Variants in C1orf21 observed in about 807,000 individuals in gnomAD.
C1orf21 encodes chromosome 1 open reading frame 21, also known as uncharacterized protein C1orf21.
Under a neutral mutation model 18.7 loss-of-function variants are expected in C1orf21, and 3 were observed. The ratio of observed to expected loss-of-function variants is 0.16; its 90% CI spans 0.07 to 0.42. C1orf21 has a LOEUF of 0.42. Among genes scored for constraint, C1orf21 ranks in the 10% least tolerant of loss-of-function variants. The pLI is 0.99. For missense variants in C1orf21, 104 were observed against 143.6 expected (o/e 0.72, Z 1.41); for synonymous variants, 41 against 46.4 (o/e 0.88, Z 0.47).
intron 1 of C1orf21, among the ~76,000 whole-genome samples, chr1:184,453,475 T>C (rs1657153102): frequency 6.6e-6 from 1 of 152,222 alleles, no homozygotes; most frequent in Admixed American, 6.5e-5. Context: ...AGGAAACGAA[T>C]GTTTCATTTT....
intron 2 of C1orf21, among the ~76,000 whole-genome samples, chr1:184,505,306 A>AATATATATATATATAT (rs59445875): frequency 5.2e-4 from 35 of 66,722 alleles, no homozygotes; most frequent in East Asian, 9.1e-4. Context: ...TACATAAAGA[A>AATATATATATATATAT]ATATATATAT....
intron 5 of C1orf21, among the ~76,000 whole-genome samples, chr1:184,607,869 A>G (rs1221829441): frequency 6.6e-6 from 1 of 152,094 alleles, no homozygotes; most frequent in Non-Finnish European, 1.5e-5. Flanking sequence ...TTAAAAACAC[A>G]CAAATACATT....
chr1:184,418,168 G>A (rs899243398), intron 1 of C1orf21, among the ~76,000 whole-genome samples: 7 of 151,694 alleles, frequency 4.6e-5, no homozygotes, highest in Non-Finnish European at 8.8e-5. Context: ...TAAAACTTTG[G>A]TCCACCACTG....
rs115049005 is a variant in C1orf21 at position 184,605,479 on chromosome 1, A to C, written c.327+7018A>C. Among the ~76,000 whole-genome samples, 1,381 of 152,316 alleles carry C rather than the reference A, an allele frequency of 9.1e-3. 14 individuals carry two copies. The highest frequency in any genetic ancestry group is 0.031 in the African/African-American group (1,276 of 41,572). ...GTGCAGATAAGAACACTGGGCTTCA[A>C]ATGGAGACAGAAGCATACAAAGGCA... On this transcript the variant is annotated intron_variant, in intron 5 of 5. Transcript: ENST00000235307.
chr1:184,510,898 C>T (rs1274060369), intron 3 of C1orf21, among the ~76,000 whole-genome samples: 1 of 152,076 alleles, frequency 6.6e-6, no homozygotes, highest in East Asian at 1.9e-4. Flanking sequence ...ATAATTTTTT[C>T]AAGAGGTAGT....
intron 1 of C1orf21, among the ~76,000 whole-genome samples, chr1:184,394,261 T>C: frequency 6.6e-6 from 1 of 152,224 alleles, no homozygotes; most frequent in Non-Finnish European, 1.5e-5. Flanking sequence ...TTCCTTTTCT[T>C]GGATGGATCT....
intron 1 of C1orf21, among the ~76,000 whole-genome samples, chr1:184,404,999 C>A (rs184865153): frequency 5.3e-5 from 8 of 152,120 alleles, no homozygotes; most frequent in African/African-American, 1.9e-4. Context: ...TGTGCAAAAC[C>A]CTTGCATCCC....
intron 3 of C1orf21, among the ~76,000 whole-genome samples, chr1:184,589,208 T>C (rs1659401710): frequency 6.6e-6 from 1 of 152,244 alleles, no homozygotes; most frequent in Non-Finnish European, 1.5e-5. Flanking sequence ...AAGGTCTTGT[T>C]CATTTTCAGT....
At chr1:184,457,031 GT>G (rs568023524) in intron 1 of C1orf21, among the ~76,000 whole-genome samples, 58 of 152,270 alleles carry the variant, frequency 3.8e-4, no homozygotes, top group African/African-American at 1.4e-3. Context: ...GAAGGTGATG[GT>G]GATCACTTGG....
chr1:184,610,258 G>C (rs945395871), intron 5 of C1orf21, among the ~76,000 whole-genome samples: 1 of 152,204 alleles, frequency 6.6e-6, no homozygotes, highest in African/African-American at 2.4e-5. Context: ...TTGGAACTCA[G>C]CCATACTCAT....
chr1:184,418,107 T>G lies in C1orf21; in HGVS notation c.-125+30739T>G, dbSNP rs538131870. On this transcript the variant is annotated intron_variant, in intron 1 of 5. Coordinates refer to ENST00000235307, the MANE Select transcript of C1orf21 (RefSeq NM_030806.4). ...CCTTTCCTGAAGAGAAGCTGACCCTTCTGGAAACTTTTGCTCATAGATCCT... is the reference window on the plus strand; with the variant it reads ...CCTTTCCTGAAGAGAAGCTGACCCTGCTGGAAACTTTTGCTCATAGATCCT... 4.6e-5 allele frequency among the ~76,000 whole-genome samples: 7 copies of G among 152,304 alleles called. No individual in the cohort carries two copies. The South Asian group carries it at 1.4e-3, about 32-fold the overall frequency.
Position 184,619,822 on chromosome 1 carries a change from A to G in C1orf21, c.*266A>G, listed in dbSNP as rs567057258. 38 of 355,540 alleles carry G rather than the reference A, an allele frequency of 1.1e-4. No homozygotes were observed. The highest frequency in any genetic ancestry group is 5.4e-4 in the Admixed American group (11 of 20,412). The allele number at this position is 355,540 out of a possible 1,614,324, so 22.0% of individuals were successfully genotyped here. On this transcript the variant is annotated 3_prime_UTR_variant, in exon 6 of 6. Transcript: ENST00000235307. ...GCAACTTTTCACTTCTCTTGTGTCC[A>G]GGTATGCAGCAAAATTCTGCAATTT...
At chr1:184,551,588 A>C (rs1558000821) in intron 3 of C1orf21, among the ~76,000 whole-genome samples, 1 of 152,184 alleles carries the variant, frequency 6.6e-6, no homozygotes, top group Non-Finnish European at 1.5e-5. Flanking sequence ...TCATTAATAT[A>C]GTTTTGTTAC....
intron 3 of C1orf21, among the ~76,000 whole-genome samples, chr1:184,538,991 C>CT (rs1658602816): frequency 6.6e-6 from 1 of 152,086 alleles, no homozygotes; most frequent in African/African-American, 2.4e-5. Context: ...CCTTTGATTT[C>CT]TTTTTCTTGC....
At chr1:184,393,155 T>C (rs1015397387) in intron 1 of C1orf21, among the ~76,000 whole-genome samples, 2 of 152,268 alleles carry the variant, frequency 1.3e-5, no homozygotes, top group African/African-American at 4.8e-5. Context: ...ACCTTACTTT[T>C]GCCTGCAAGA....
At position 184,458,589 on chromosome 1, in the gene C1orf21, G is replaced by A. The variant is rs140483619; in HGVS notation, c.-124-18797G>A. ...TTCAACTCTACTATAATTTGAAACA[G>A]CTCCAAAAGTATTTCAACTTAACAT... On this transcript the variant is annotated intron_variant, in intron 1 of 5. Transcript: ENST00000235307. Among the ~76,000 whole-genome samples the A allele has an allele frequency of 2.4e-4, 36 of 152,306 alleles. No individual in the cohort carries two copies. In the East Asian group the frequency reaches 6.4e-3, roughly 27 times the overall value.
chr1:184,604,124 G>A (rs548989014), intron 5 of C1orf21, among the ~76,000 whole-genome samples: 4 of 152,196 alleles, frequency 2.6e-5, no homozygotes, highest in Non-Finnish European at 4.4e-5. Context: ...ACGTGTAAAC[G>A]ATTTCTGTAG....
In C1orf21 at chr1:184,625,300, A is replaced by C. The variant is rs1659990171; in HGVS notation, c.*5744A>C. 6.6e-6 allele frequency: 1 copy of C among 152,306 alleles called. No individual in the cohort carries two copies. Among genetic ancestry groups the C allele is most frequent in the South Asian group, 2.1e-4 (1 of 4,810 alleles). The allele number at this position is 152,306 out of a possible 1,614,324, so 9.4% of individuals were successfully genotyped here. ...AAAATAATTCTACAGCCTTAGGGGG[A>C]CCTCTTGGCATTGACTCTAAAGGGA... On this transcript the variant is annotated 3_prime_UTR_variant, in exon 6 of 6. Transcript: ENST00000235307.
rs577231510 is a variant in C1orf21 at position 184,477,573 on chromosome 1, A to G, written c.64A>G (p.Lys22Glu). 1.2e-6 allele frequency: 2 copies of G among 1,614,014 alleles called. No homozygotes were observed. The highest frequency in any genetic ancestry group is 1.7e-6 in the Non-Finnish European group (2 of 1,179,918). The change falls in exon 2 of 6, where the codon AAA becomes GAA. Residue 22 changes from lysine to glutamate, a missense_variant. Coordinates refer to ENST00000235307, the MANE Select transcript of C1orf21 (RefSeq NM_030806.4). ...AAATGAAGAGGAAGCCCAGAAAGGG[A>G]AAAACTACCAGAACGGAGATGTGTT... is the stretch of plus-strand genomic sequence containing the variant. ...VQNEEEAQKG[K>E]NYQNGDVFGD... is the part of the protein sequence containing the mutation.
Sources: allele counts gnomAD v4.1 joint callset (sites outside exome capture counted in the v4.1 genomes callset), GRCh38; gene constraint gnomAD v4.1.1; transcripts MANE v1.5; gene names NCBI Gene and HGNC (gene_info 2026-07-23, HGNC 2026-07-21).